The following LVRN variants were observed in gnomAD, a reference collection of about 807,000 sequenced individuals.
The protein encoded by LVRN is aminopeptidase Q.
LVRN carries 99 observed loss-of-function variants against 111.4 expected under a neutral mutation model. The observed-to-expected ratio is 0.89, with a 90% CI of 0.76 to 1.05. The LOEUF is 1.05. Ranked by LOEUF, LVRN falls within the 50% of genes least tolerant of loss-of-function variation. The pLI is 0.00. For missense variants in LVRN, 1,414 were observed against 1,206.8 expected (o/e 1.17, Z -2.54); for synonymous variants, 488 against 449.5 (o/e 1.09, Z -1.08).
intron 2 of LVRN, among the ~76,000 whole-genome samples, chr5:115,984,342 C>G (rs1270867722): frequency 2.0e-5 from 3 of 152,054 alleles, no homozygotes; most frequent in African/African-American, 7.2e-5. Context: ...ATTTGGCCCT[C>G]AATCAAGTCT....
chr5:115,986,705 A>C (rs748546105), intron 3 of LVRN, among the ~76,000 whole-genome samples: 3 of 152,244 alleles, frequency 2.0e-5, no homozygotes, highest in Non-Finnish European at 2.9e-5. Flanking sequence ...CATGAAATGG[A>C]AAGTGTGGTT....
chr5:115,971,436 G>A (rs1753323636), intron 1 of LVRN, among the ~76,000 whole-genome samples: 1 of 151,964 alleles, frequency 6.6e-6, no homozygotes, highest in African/African-American at 2.4e-5. Flanking sequence ...TTTCTTCTAT[G>A]CCTTCTTTCA....
At chr5:115,969,474 G>A (rs1350341151) in intron 1 of LVRN, among the ~76,000 whole-genome samples, 1 of 151,884 alleles carries the variant, frequency 6.6e-6, no homozygotes, top group Non-Finnish European at 1.5e-5. Context: ...TTTGCTTTTA[G>A]TCTCATCCAG....
chr5:115,965,902 G>A (rs943160038), intron 1 of LVRN, among the ~76,000 whole-genome samples: 1 of 152,016 alleles, frequency 6.6e-6, no homozygotes, highest in Non-Finnish European at 1.5e-5. Flanking sequence ...ACCCAGTCTT[G>A]GGTATTTCTT....
intron 5 of LVRN, among the ~76,000 whole-genome samples, 191 bp downstream of exon 5, chr5:115,992,468 C>A (rs1748018097): frequency 6.6e-6 from 1 of 152,104 alleles, no homozygotes; most frequent in Admixed American, 6.5e-5. Context: ...GGTGACAGAT[C>A]ATAGGGAGGA....
At chr5:116,001,549 G>A (rs1401002135) in intron 10 of LVRN, among the ~76,000 whole-genome samples, 1 of 152,158 alleles carries the variant, frequency 6.6e-6, no homozygotes, top group Non-Finnish European at 1.5e-5. Context: ...TGAGTGAGGG[G>A]CAGTAAGACA....
At chr5:115,968,655 A>T (rs984779024) in intron 1 of LVRN, among the ~76,000 whole-genome samples, 3 of 152,154 alleles carry the variant, frequency 2.0e-5, no homozygotes, top group Admixed American at 2.0e-4. Flanking sequence ...CAGTCCTTCT[A>T]ATGCAGGGAG....
Position 116,010,729 on chromosome 5 carries a change from T to A in LVRN, c.2094-12T>A, listed in dbSNP as rs549343036. 4 of 1,579,660 alleles carry A rather than the reference T, an allele frequency of 2.5e-6. 1 individual carries two copies. Among genetic ancestry groups the A allele is most frequent in the Admixed American group, 1.9e-5 (1 of 53,866 alleles). On this transcript the variant is annotated splice_polypyrimidine_tract_variant and intron_variant, in intron 13 of 19. Transcript: ENST00000357872. Reference sequence around the variant, plus strand: ...AAGGTTTTTTGAGTGTGTGTGTTTTTAAATCAAACAGAAACAATTATATTG... The same window carrying A: ...AAGGTTTTTTGAGTGTGTGTGTTTTAAAATCAAACAGAAACAATTATATTG...
chr5:116,007,891 A>G lies in LVRN; in HGVS notation c.2093+1924A>G, dbSNP rs1046159978. ...TACAGTAATCTGTGAACAGGAATTG[A>G]TGATGTTATGACTGTAATTGTTTTG... On this transcript the variant is annotated intron_variant, in intron 13 of 19. Coordinates refer to ENST00000357872, the MANE Select transcript of LVRN (RefSeq NM_173800.5). 4.6e-5 allele frequency among the ~76,000 whole-genome samples: 7 copies of G among 152,190 alleles called. No homozygotes were observed. The South Asian group carries it at 1.2e-3, about 27-fold the overall frequency.
In LVRN at chr5:116,020,589, G is replaced by C. The variant is rs746049274; in HGVS notation, c.2757-1802G>C. Among the ~76,000 whole-genome samples the C allele has an allele frequency of 3.9e-5, 6 of 152,198 alleles. No individual in the cohort carries two copies. In the South Asian group the frequency reaches 1.0e-3, roughly 26 times the overall value. Reference sequence around the variant, plus strand: ...CTTGGAATTGTTTTCACTTCTACTTGGTTGTATTTCATGATGGGGAACACA... The same window carrying C: ...CTTGGAATTGTTTTCACTTCTACTTCGTTGTATTTCATGATGGGGAACACA... On this transcript the variant is annotated intron_variant, in intron 18 of 19. Coordinates refer to ENST00000357872, the MANE Select transcript of LVRN (RefSeq NM_173800.5).
chr5:115,981,795 T>C (rs970771971), intron 1 of LVRN, among the ~76,000 whole-genome samples: 132 of 152,316 alleles, frequency 8.7e-4, no homozygotes, highest in African/African-American at 3.1e-3. Flanking sequence ...TCCTGTAACT[T>C]ATCCCTCTTT....
chr5:116,012,011 T>G (rs1748500873), intron 14 of LVRN, among the ~76,000 whole-genome samples: 1 of 152,164 alleles, frequency 6.6e-6, no homozygotes. Flanking sequence ...ATTTTTACAT[T>G]TCTTCTCTAT....
At chr5:115,975,615 C>T (rs1382588942) in intron 1 of LVRN, 1 of 156,584 alleles carries the variant, frequency 6.4e-6, no homozygotes, top group African/African-American at 2.4e-5. Flanking sequence ...AGCAATTGGC[C>T]ATGCCTGTGA....
chr5:116,027,340 G>A lies in LVRN; in HGVS notation c.*1222G>A, dbSNP rs893926434. 6 of 152,134 alleles carry A rather than the reference G, an allele frequency of 3.9e-5. No homozygotes were observed. Among genetic ancestry groups the A allele is most frequent in the African/African-American group, 1.2e-4 (5 of 41,416 alleles). The allele number at this position is 152,134 out of a possible 1,614,324, so 9.4% of individuals were successfully genotyped here. A position where few individuals can be genotyped will look rare whatever the true frequency, so the allele number is the denominator to read the frequency against. ...AACAGTCTTTAAAGATGTTACATAC[G>A]CTCAAAGCAATGTGATTAAGACTTT... On this transcript the variant is annotated 3_prime_UTR_variant, in exon 20 of 20. Coordinates refer to ENST00000357872, the MANE Select transcript of LVRN (RefSeq NM_173800.5).
At chr5:115,982,742 C>T (rs562042403) in intron 1 of LVRN, among the ~76,000 whole-genome samples, 33 of 152,154 alleles carry the variant, frequency 2.2e-4, no homozygotes, top group African/African-American at 7.0e-4. Flanking sequence ...TACCTTTACC[C>T]ATATATAATT....
chr5:116,014,855 A>G (rs1310248842), intron 16 of LVRN, among the ~76,000 whole-genome samples: 2 of 152,088 alleles, frequency 1.3e-5, no homozygotes, highest in African/African-American at 4.8e-5. Context: ...TGTTATATCT[A>G]TGAGTGCAGC....
chr5:116,015,735 T>A lies in LVRN; in HGVS notation c.2726T>A (p.Leu909Ter). 6.2e-7 allele frequency: 1 copy of A among 1,613,566 alleles called. No homozygotes were observed. Among genetic ancestry groups the A allele is most frequent in the Non-Finnish European group, 8.5e-7 (1 of 1,179,636 alleles). ...GGCCGGTATGTCGCAAAAGACTTCT[T>A]AGTCAACAACTGGCAAGCTGTGAGT... ...EVGRYVAKDF[L>*]VNNWQAVSKR... Residue 909 changes from leucine to a stop codon, truncating the protein, a stop_gained, in exon 18 of 20, where the codon TTA becomes TAA. Coordinates refer to ENST00000357872, the MANE Select transcript of LVRN (RefSeq NM_173800.5). LOFTEE classifies it high-confidence loss of function.
At chr5:116,002,711 A>G (rs1748261898) in intron 10 of LVRN, 124 bp from the exon 11 acceptor site, 3 of 686,624 alleles carry the variant, frequency 4.4e-6, no homozygotes, top group South Asian at 2.2e-5. Flanking sequence ...AGGCCTGCAT[A>G]TCTAGAGAGA....
chr5:116,013,850 C>A (rs1428088), intron 15 of LVRN, among the ~76,000 whole-genome samples: 6,060 of 152,254 alleles, frequency 0.04, 161 homozygotes, highest in Middle Eastern at 0.068. Context: ...ACAGTGTACA[C>A]CCCTGCTCAG....
Sources: gnomAD v4.1 joint callset for allele counts (sites outside exome capture counted in the v4.1 genomes callset) on GRCh38, gnomAD v4.1.1 for gene constraint, MANE v1.5 for transcripts, NCBI Gene and HGNC (gene_info 2026-07-23, HGNC 2026-07-21) for gene names.